Variants in RIN3 observed in about 807,000 individuals in gnomAD.
RIN3 encodes RAB5 interacting protein 3.
Under a neutral mutation model 76.3 loss-of-function variants are expected in RIN3, and 54 were observed. That is an observed-to-expected ratio of 0.71 (90% CI 0.57 to 0.89). RIN3 has a LOEUF of 0.89. Among genes scored for constraint, RIN3 ranks in the 40% least tolerant of loss-of-function variants. RIN3 has a pLI of 0.00. For synonymous variants in RIN3, 576 were observed against 564.0 expected, an observed-to-expected ratio of 1.02 and a Z score of -0.30; for missense variants, 1,256 against 1,322.1, an observed-to-expected ratio of 0.95 and a Z score of 0.78.
At chr14:92,631,952 G>T (rs934284198) in intron 4 of RIN3, among the ~76,000 whole-genome samples, 1 of 152,070 alleles carries the variant, frequency 6.6e-6, no homozygotes, top group Admixed American at 6.6e-5. Flanking sequence ...GCTTACCTGG[G>T]GGTCTCCTAG....
rs1294193071 is a variant in RIN3, at chr14:92,651,728, G to A, written c.679G>A (p.Val227Ile). Residue 227 changes from valine to isoleucine, a missense_variant, in exon 6 of 10, where the codon GTA (valine) becomes ATA (isoleucine). Val to Ile is a conservative substitution (Grantham distance 29). This residue lies in a region of RIN3 where 610 missense variants were observed against 626.4 expected (regional missense o/e 0.97). Transcript: ENST00000216487. ...ANCACEIELS[V>I]GNDRLWFVNP... The stretch of plus-strand genomic sequence containing the variant: ...CTGTGCCTGTGAAATCGAGCTGTCG[G>A]TAGGAAATGACCGCCTGTGGTTTGT... 5 of 1,613,986 alleles carry A rather than the reference G, an allele frequency of 3.1e-6. No homozygotes were observed. The African/African-American group carries it at 6.7e-5, about 22-fold the overall frequency.
intron 3 of RIN3, among the ~76,000 whole-genome samples, chr14:92,610,622 G>T (rs1304427092): frequency 6.6e-6 from 1 of 152,210 alleles, no homozygotes; most frequent in East Asian, 1.9e-4. Context: ...TGATGGGAGA[G>T]GGTGGAATCC....
At chr14:92,615,275 G>T in intron 3 of RIN3, 132 bp from the exon 4 acceptor site, 1 of 731,656 alleles carries the variant, frequency 1.4e-6, no homozygotes, top group Non-Finnish European at 2.4e-6. Flanking sequence ...TATGGGGGCC[G>T]CATGCAGCCC....
chr14:92,659,012 G>A (rs751548290), intron 6 of RIN3, 149 bp from the exon 7 acceptor site: 241 of 735,450 alleles, frequency 3.3e-4, no homozygotes, highest in Non-Finnish European at 5.0e-4. Flanking sequence ...GCTCTCTCAT[G>A]TGTCAGAACC....
Position 92,555,912 on chromosome 14 carries a change from G to C in RIN3, c.206G>C (p.Gly69Ala), listed in dbSNP as rs1897563784. 1 of 1,613,558 alleles carries C rather than the reference G, an allele frequency of 6.2e-7. No homozygotes were observed. The highest frequency in any genetic ancestry group is 1.3e-5 in the African/African-American group (1 of 74,884). ...TCPVWLQLSL[G>A]QAEVARILHR... The stretch of plus-strand genomic sequence containing the variant: ...CCGGTGTGGCTGCAGCTGAGTCTGG[G>C]CCAGGCAGAGGTGGCCAGGATCCTG... The change falls in exon 2 of 10, where the codon GGC (glycine) becomes GCC (alanine). Residue 69 changes from glycine (G) to alanine (A), a missense_variant. Physicochemically the swap from Gly to Ala is moderately conservative, Grantham distance 60. This residue lies in a region of RIN3 where 610 missense variants were observed against 626.4 expected (regional missense o/e 0.97). Coordinates refer to ENST00000216487, the MANE Select transcript of RIN3 (RefSeq NM_024832.5).
At chr14:92,672,567 G>A (rs561175686) in intron 7 of RIN3, among the ~76,000 whole-genome samples, 6 of 152,194 alleles carry the variant, frequency 3.9e-5, no homozygotes, top group Non-Finnish European at 8.8e-5. Context: ...ACAAGCCCTG[G>A]CAGGGAGGGG....
chr14:92,679,978 G>T (rs1296754052), intron 8 of RIN3, among the ~76,000 whole-genome samples: 1 of 152,126 alleles, frequency 6.6e-6, no homozygotes, highest in African/African-American at 2.4e-5. Flanking sequence ...ATTCTGCAGT[G>T]GTGGCTTGGT....
chr14:92,626,317 C>G (rs1252482677), intron 4 of RIN3, among the ~76,000 whole-genome samples: 1 of 152,186 alleles, frequency 6.6e-6, no homozygotes, highest in African/African-American at 2.4e-5. Context: ...CTTTCTTCCC[C>G]TGAGAAGAGG....
At chr14:92,670,061 G>C (rs1027259028) in intron 7 of RIN3, among the ~76,000 whole-genome samples, 14 of 132,618 alleles carry the variant, frequency 1.1e-4, no homozygotes, top group African/African-American at 3.9e-4. Context: ...AGACCCAGCT[G>C]ATTTTTTTTT....
intron 4 of RIN3, among the ~76,000 whole-genome samples, chr14:92,618,628 A>G (rs1158731350): frequency 6.6e-6 from 1 of 152,252 alleles, no homozygotes; most frequent in East Asian, 1.9e-4. Flanking sequence ...TTATACAACC[A>G]GAACACATGC....
intron 3 of RIN3, among the ~76,000 whole-genome samples, chr14:92,594,139 G>C (rs1885076397): frequency 6.6e-6 from 1 of 151,998 alleles, no homozygotes; most frequent in Admixed American, 6.6e-5. Flanking sequence ...AAATTTAAAA[G>C]GCTTGCAATC....
intron 8 of RIN3, among the ~76,000 whole-genome samples, chr14:92,684,397 A>AAC (rs1888773424): frequency 6.6e-6 from 1 of 151,974 alleles, no homozygotes; most frequent in Non-Finnish European, 1.5e-5. Flanking sequence ...AAAAAAAAAA[A>AAC]AAAAACCTCA....
chr14:92,662,725 G>A (rs10134607), intron 7 of RIN3, among the ~76,000 whole-genome samples: 49,311 of 152,020 alleles, frequency 0.32, 8,579 homozygotes, highest in Non-Finnish European at 0.37. Context: ...ACAGCTTTGC[G>A]CTGGAAGGGG....
At chr14:92,532,758 T>C (rs1462102410) in intron 1 of RIN3, among the ~76,000 whole-genome samples, 1 of 152,112 alleles carries the variant, frequency 6.6e-6, no homozygotes, top group African/African-American at 2.4e-5. Flanking sequence ...GGAAGGGTGG[T>C]CTCCTCAGAG....
intron 5 of RIN3, among the ~76,000 whole-genome samples, chr14:92,649,878 G>T (rs1055169018): frequency 2.4e-4 from 36 of 152,174 alleles, no homozygotes; most frequent in African/African-American, 8.7e-4. Flanking sequence ...ACAGGGCTGG[G>T]GGGTGCACCT....
chr14:92,548,090 C>G (rs1897330102), intron 1 of RIN3, among the ~76,000 whole-genome samples: 1 of 152,298 alleles, frequency 6.6e-6, no homozygotes, highest in African/African-American at 2.4e-5. Context: ...TGAAATAACT[C>G]TAATGACATC....
chr14:92,686,032 G>A (rs1042019670), intron 9 of RIN3: 6 of 152,396 alleles, frequency 3.9e-5, no homozygotes, highest in African/African-American at 1.4e-4. Flanking sequence ...CAGGGCCTGG[G>A]ACAGAGCAGG....
At chr14:92,523,225 C>T (rs1020255657) in intron 1 of RIN3, among the ~76,000 whole-genome samples, 2 of 152,188 alleles carry the variant, frequency 1.3e-5, no homozygotes, top group African/African-American at 4.8e-5. Context: ...ATTCTCCTGC[C>T]TCAGCCTTCC....
Position 92,514,032 on chromosome 14 carries a change from G to A in RIN3, c.44+56G>A. 8.9e-7 allele frequency: 1 copy of A among 1,129,224 alleles called. No individual in the cohort carries two copies. Among genetic ancestry groups the A allele is most frequent in the Non-Finnish European group, 1.1e-6 (1 of 892,426 alleles). The allele number at this position is 1,129,224 out of a possible 1,614,324, so 70.0% of individuals were successfully genotyped here. A position where few individuals can be genotyped will look rare whatever the true frequency, so the allele number is the denominator to read the frequency against. On this transcript the variant is annotated intron_variant, in intron 1 of 9. Transcript: ENST00000216487. The surrounding 1 kb of genome is among the most constrained non-coding windows in gnomAD (Gnocchi z 7.2). ...CGCGATCCCCACGGCCCGCGTCCTG[G>A]CCGCCCCACTCCACTTCTTGTCCCA...
Sources: gnomAD v4.1 joint callset for allele counts (sites outside exome capture counted in the v4.1 genomes callset) on GRCh38, gnomAD v4.1.1 for gene constraint, gnomAD v4.1.1 regional missense constraint, Gnocchi (gnomAD v3.1) non-coding constraint, MANE v1.5 for transcripts, NCBI Gene and HGNC (gene_info 2026-07-23, HGNC 2026-07-21) for gene names.